Variants in GIN1 observed in about 807,000 individuals in gnomAD.
GIN1 encodes gypsy retrotransposon integrase-like protein 1.
Under a neutral mutation model 51.4 loss-of-function variants are expected in GIN1, and 41 were observed. The observed-to-expected ratio is 0.80, with a 90% CI of 0.62 to 1.04. GIN1 has a LOEUF of 1.04. Among genes scored for constraint, GIN1 ranks in the 50% least tolerant of loss-of-function variants. GIN1 has a pLI of 0.00. For missense variants in GIN1, 610 were observed against 612.4 expected, an observed-to-expected ratio of 1.00 and a Z score of 0.04; for synonymous variants, 222 against 206.5, an observed-to-expected ratio of 1.07 and a Z score of -0.64.
chr5:103,119,444 GC>G (rs1788280465), intron 1 of GIN1, among the ~76,000 whole-genome samples: 2 of 152,146 alleles, frequency 1.3e-5, no homozygotes, highest in African/African-American at 4.8e-5. Flanking sequence ...TGCCTTCATC[GC>G]CATATGCATT....
Position 103,097,999 on chromosome 5 carries a change from C to T in GIN1, c.640-218G>A, listed in dbSNP as rs568653787. On this transcript the variant is annotated intron_variant, in intron 4 of 7. Transcript: ENST00000399004. ...CCAGGTTCAAGCAATTCTTCTGCCT[C>T]GGCTTCCTGAGTAGCTGGGACTACA... 3.4e-4 allele frequency among the ~76,000 whole-genome samples: 52 copies of T among 152,100 alleles called. 1 individual carries two copies. Among genetic ancestry groups the T allele is most frequent in the Non-Finnish European group, 2.2e-4 (15 of 68,010 alleles).
chr5:103,097,211 ATG>A (rs139034163), intron 6 of GIN1, 101 bp downstream of exon 6: 979 of 652,522 alleles, frequency 1.5e-3, no homozygotes, highest in South Asian at 3.0e-3. Flanking sequence ...GCAAGTAAGT[ATG>A]TGTGTGTGTG....
chr5:103,112,264 C>G (rs1016303655), intron 1 of GIN1, among the ~76,000 whole-genome samples: 5 of 152,086 alleles, frequency 3.3e-5, no homozygotes, highest in Non-Finnish European at 7.4e-5. Flanking sequence ...TTCACAAATG[C>G]TTTCACAAGT....
chr5:103,111,263 A>AAGTCTAAGGGACTAG (rs1787875003), intron 1 of GIN1, among the ~76,000 whole-genome samples: 1 of 152,096 alleles, frequency 6.6e-6, no homozygotes, highest in Non-Finnish European at 1.5e-5. Context: ...ACATTCTTTC[A>AAGTCTAAGGGACTAG]AGTCTAAGGG....
chr5:103,088,347 C>A (rs557888295), intron 7 of GIN1, among the ~76,000 whole-genome samples, 175 bp from the exon 8 acceptor site: 1 of 152,136 alleles, frequency 6.6e-6, no homozygotes, highest in Admixed American at 6.5e-5. Context: ...AAAAAAATGA[C>A]ATATAAATTT....
chr5:103,088,248 G>T, intron 7 of GIN1, 76 bp from the exon 8 acceptor site: 1 of 838,044 alleles, frequency 1.2e-6, no homozygotes, highest in Non-Finnish European at 1.8e-6. Flanking sequence ...AATTTTAAGT[G>T]AGGAACAAAA....
In GIN1 at chr5:103,117,131, A is replaced by G. The variant is rs1193986476; in HGVS notation, c.-8+2933T>C. Reference sequence around the variant, plus strand: ...TTTATTCATATCAGCCAAAACCTGAAAACAAATGTTCATCAACTGGTGAAT... The same window carrying G: ...TTTATTCATATCAGCCAAAACCTGAGAACAAATGTTCATCAACTGGTGAAT... On this transcript the variant is annotated intron_variant, in intron 1 of 7. Transcript: ENST00000399004. Among the ~76,000 whole-genome samples the G allele has an allele frequency of 4.6e-5, 7 of 152,096 alleles. No individual in the cohort carries two copies. In the East Asian group the frequency reaches 1.3e-3, roughly 29 times the overall value.
At chr5:103,115,713 A>T (rs1476474958) in intron 1 of GIN1, among the ~76,000 whole-genome samples, 2 of 152,056 alleles carry the variant, frequency 1.3e-5, no homozygotes, top group African/African-American at 2.4e-5. Flanking sequence ...TACAATTAAA[A>T]CAATTTTTTT....
intron 7 of GIN1, among the ~76,000 whole-genome samples, chr5:103,090,927 T>A (rs1034937094): frequency 2.0e-5 from 3 of 148,884 alleles, no homozygotes; most frequent in African/African-American, 5.1e-5. Flanking sequence ...ACACACACAC[T>A]CTTTTTCTTC....
rs538375341 is a variant in GIN1, at chr5:103,105,142, C to T, written c.334-296G>A. On this transcript the variant is annotated intron_variant, in intron 3 of 7. Transcript: ENST00000399004. The stretch of plus-strand genomic sequence containing the variant: ...TTTAACTAAACACAAATAAAAAGTA[C>T]TCTATTGATAGGGAGGGATGAGAAA... Among the ~76,000 whole-genome samples, 6 of 151,618 alleles carry T rather than the reference C, an allele frequency of 4.0e-5. No individual in the cohort carries two copies. In the East Asian group the frequency reaches 1.2e-3, roughly 30 times the overall value.
chr5:103,106,313 C>T (rs1787723754), intron 3 of GIN1, among the ~76,000 whole-genome samples: 1 of 152,056 alleles, frequency 6.6e-6, no homozygotes, highest in Admixed American at 6.6e-5. Context: ...ATGGAACAGG[C>T]ACAAAAGATA....
At chr5:103,108,291 C>T (rs1316756968) in intron 2 of GIN1, among the ~76,000 whole-genome samples, 2 of 152,020 alleles carry the variant, frequency 1.3e-5, no homozygotes, top group African/African-American at 4.8e-5. Context: ...TTAGAGACCA[C>T]GAGAGGGTAA....
intron 7 of GIN1, among the ~76,000 whole-genome samples, chr5:103,090,876 T>C (rs1787218150): frequency 6.6e-6 from 1 of 151,438 alleles, no homozygotes; most frequent in African/African-American, 2.4e-5. Flanking sequence ...AGCTTCTGTA[T>C]GTAAGTAAAA....
In GIN1 at chr5:103,088,191, T is replaced by C. The variant is rs369516579; in HGVS notation, c.1295-19A>G. ...AGACTTTCTGAAAAAAGAAAAATCA[T>C]ACATTTGACTTTTAGAATTATAATT... On this transcript the variant is annotated intron_variant, in intron 7 of 7. Transcript: ENST00000399004. 2.1e-5 allele frequency: 29 copies of C among 1,395,952 alleles called. No individual in the cohort carries two copies. The African/African-American group carries it at 3.1e-4, about 15-fold the overall frequency. 86.5% of individuals were successfully genotyped at this position (1,395,952 alleles called of 1,614,324 possible).
intron 3 of GIN1, among the ~76,000 whole-genome samples, chr5:103,106,273 T>C (rs1466805305): frequency 3.9e-5 from 6 of 152,152 alleles, no homozygotes; most frequent in Admixed American, 3.9e-4. Context: ...TGGTTTTGGG[T>C]TTCTGTCATG....
intron 1 of GIN1, among the ~76,000 whole-genome samples, chr5:103,118,248 T>C (rs939908274): frequency 4.6e-5 from 7 of 152,146 alleles, no homozygotes; most frequent in Non-Finnish European, 8.8e-5. Context: ...TCTAAGAAGG[T>C]ATAGACTTAA....
chr5:103,117,581 T>TATACACACACACACAC (rs5870042), intron 1 of GIN1, among the ~76,000 whole-genome samples: 36 of 149,488 alleles, frequency 2.4e-4, no homozygotes, highest in African/African-American at 8.5e-4. Flanking sequence ...GAAAAAAATA[T>TATACACACACACACAC]ACACACACAC....
In GIN1 at chr5:103,086,079, C is replaced by T. The variant is rs1183507598; in HGVS notation, c.*1819G>A. 1 of 152,184 alleles carries T rather than the reference C, an allele frequency of 6.6e-6. No individual in the cohort carries two copies. The highest frequency in any genetic ancestry group is 1.5e-5 in the Non-Finnish European group (1 of 68,036). 9.4% of individuals were successfully genotyped at this position (152,184 alleles called of 1,614,324 possible). On this transcript the variant is annotated 3_prime_UTR_variant, in exon 8 of 8. Coordinates refer to ENST00000399004, the MANE Select transcript of GIN1 (RefSeq NM_017676.2). ...ATAAGGTATTGACAGGGTTGGTCTTCTGAGGAATGAGGAAAAATGTATTCA... is the reference window on the plus strand; with the variant it reads ...ATAAGGTATTGACAGGGTTGGTCTTTTGAGGAATGAGGAAAAATGTATTCA...
chr5:103,111,939 T>C (rs1249563205), intron 1 of GIN1, among the ~76,000 whole-genome samples: 4 of 152,282 alleles, frequency 2.6e-5, no homozygotes, highest in African/African-American at 7.2e-5. Context: ...ATAATAAATA[T>C]ACAAAAACTT....
Sources: gnomAD v4.1 joint callset for allele counts (sites outside exome capture counted in the v4.1 genomes callset) on GRCh38, gnomAD v4.1.1 for gene constraint, MANE v1.5 for transcripts, NCBI Gene and HGNC (gene_info 2026-07-23, HGNC 2026-07-21) for gene names.